The following PAFAH1B1 variants were observed in gnomAD, a reference collection of about 807,000 sequenced individuals.
PAFAH1B1 encodes the protein platelet-activating factor acetylhydrolase IB subunit beta.
In PAFAH1B1, 2 loss-of-function variants were observed where a neutral mutation model predicts 57.5. That is an observed-to-expected ratio of 0.03 (90% CI 0.01 to 0.11). PAFAH1B1 has a LOEUF of 0.11. Among genes scored for constraint, PAFAH1B1 ranks in the 10% least tolerant of loss-of-function variants. PAFAH1B1 has a pLI of 1.00. For synonymous variants in PAFAH1B1, 152 were observed against 169.6 expected (o/e 0.90, Z 0.81); for missense variants, 257 against 512.0 (o/e 0.50, Z 4.81).
chr17:2,667,044 G>GTGGACC lies in PAFAH1B1; in HGVS notation c.247_252dup (p.Gly83_Pro84dup), dbSNP rs999819130. On this transcript the variant is annotated inframe_insertion, in exon 5 of 11. Transcript: ENST00000397195. ...GAAGCAAAAGAAGAATTTACGTCAG[G>GTGGACC]TGGACCTCTTGGTCAGAAACGAGAC... 6.2e-7 allele frequency: 1 copy of GTGGACC among 1,613,856 alleles called. No individual in the cohort carries two copies. The highest frequency in any genetic ancestry group is 1.3e-5 in the African/African-American group (1 of 74,912).
chr17:2,617,008 G>T (rs2068352098), intron 1 of PAFAH1B1, among the ~76,000 whole-genome samples: 2 of 152,138 alleles, frequency 1.3e-5, no homozygotes, highest in African/African-American at 4.8e-5. Context: ...GGGAGGCAGA[G>T]GTTGCAGTGA....
intron 1 of PAFAH1B1, among the ~76,000 whole-genome samples, chr17:2,620,739 G>T (rs2068410644): frequency 6.6e-6 from 1 of 152,056 alleles, no homozygotes; most frequent in Non-Finnish European, 1.5e-5. Context: ...GCGCGTACCT[G>T]TAATCCTAGC....
intron 2 of PAFAH1B1, among the ~76,000 whole-genome samples, chr17:2,654,895 G>GC (rs2068916250): frequency 6.6e-6 from 1 of 151,712 alleles, no homozygotes; most frequent in Non-Finnish European, 1.5e-5. Context: ...GCCTGCCTCA[G>GC]CCTCTCGAAG....
intron 2 of PAFAH1B1, 133 bp downstream of exon 2, chr17:2,638,453 C>T (rs370717123): frequency 2.8e-6 from 2 of 721,860 alleles, no homozygotes; most frequent in Non-Finnish European, 4.9e-6. Flanking sequence ...TTAGTTTAGG[C>T]AGTTTGGTCT....
chr17:2,616,946 G>A (rs957586102), intron 1 of PAFAH1B1, among the ~76,000 whole-genome samples: 6 of 151,914 alleles, frequency 3.9e-5, no homozygotes, highest in Admixed American at 6.6e-5. Flanking sequence ...GGTGGCGAGC[G>A]TCTGTAGTCC....
rs533776467 is a variant in PAFAH1B1 at position 2,616,985 on chromosome 17, A to G, written c.-190-21114A>G. ...CTACTCGGGAGGCTGAGGCAGGAGA[A>G]TGGTGTGAACCCGGGAGGCAGAGGT... On this transcript the variant is annotated intron_variant, in intron 1 of 10. Coordinates refer to ENST00000397195, the MANE Select transcript of PAFAH1B1 (RefSeq NM_000430.4). Among the ~76,000 whole-genome samples, 249 of 152,172 alleles carry G rather than the reference A, an allele frequency of 1.6e-3. 2 individuals are homozygous for G. Among genetic ancestry groups the G allele is most frequent in the African/African-American group, 5.7e-3 (238 of 41,526 alleles).
chr17:2,681,888 T>A lies in PAFAH1B1; in HGVS notation c.*86T>A. On this transcript the variant is annotated 3_prime_UTR_variant, in exon 11 of 11. Coordinates refer to ENST00000397195, the MANE Select transcript of PAFAH1B1 (RefSeq NM_000430.4). ...GTTACCCCATTGAGCTCTGTTTAAA[T>A]AAATATTGTCCTTTCATGTAAATTA... The A allele has an allele frequency of 1.1e-6, 1 of 910,880 alleles. No individual in the cohort carries two copies. Among genetic ancestry groups the A allele is most frequent in the East Asian group, 2.6e-5 (1 of 38,870 alleles). The allele number at this position is 910,880 out of a possible 1,614,324, so 56.4% of individuals were successfully genotyped here.
chr17:2,646,106 C>A (rs1316238740), intron 2 of PAFAH1B1, among the ~76,000 whole-genome samples: 1 of 151,378 alleles, frequency 6.6e-6, no homozygotes, highest in Non-Finnish European at 1.5e-5. Context: ...ATAAGAACGA[C>A]AAAATAAGTC....
chr17:2,678,452 G>C (rs978652681), intron 9 of PAFAH1B1, among the ~76,000 whole-genome samples: 1 of 149,112 alleles, frequency 6.7e-6, no homozygotes, highest in South Asian at 2.1e-4. Context: ...TGTAATCCCA[G>C]CTACTCGGGA....
chr17:2,614,734 A>G (rs1006903154), intron 1 of PAFAH1B1, among the ~76,000 whole-genome samples: 3 of 151,982 alleles, frequency 2.0e-5, no homozygotes, highest in Non-Finnish European at 4.4e-5. Context: ...GCCACCATGC[A>G]TGGCTAGATT....
chr17:2,594,699 G>T (rs969291607), intron 1 of PAFAH1B1, among the ~76,000 whole-genome samples: 1 of 152,198 alleles, frequency 6.6e-6, no homozygotes, highest in Admixed American at 6.5e-5. Flanking sequence ...AATCTGGCAG[G>T]ATTTTCTTTC....
At chr17:2,606,322 A>G (rs2068203793) in intron 1 of PAFAH1B1, among the ~76,000 whole-genome samples, 1 of 152,146 alleles carries the variant, frequency 6.6e-6, no homozygotes, top group Non-Finnish European at 1.5e-5. Flanking sequence ...AAAGCCTATC[A>G]TGAGACCTAT....
intron 2 of PAFAH1B1, among the ~76,000 whole-genome samples, chr17:2,646,510 G>A (rs950191205): frequency 1.3e-5 from 2 of 152,072 alleles, no homozygotes; most frequent in South Asian, 2.1e-4. Context: ...AAAATTAGCC[G>A]GGTGTGGTGG....
Position 2,674,044 on chromosome 17 carries a change from T to C in PAFAH1B1, c.672-16T>C. 6.5e-7 allele frequency: 1 copy of C among 1,547,692 alleles called. No homozygotes were observed. Among genetic ancestry groups the C allele is most frequent in the Non-Finnish European group, 8.9e-7 (1 of 1,120,194 alleles). ...TGATTGTCATTCACAGTGTAAGTTA[T>C]TATTTATATTGACAGCTACTGTGTG... On this transcript the variant is annotated splice_polypyrimidine_tract_variant and intron_variant, in intron 7 of 10. Coordinates refer to ENST00000397195, the MANE Select transcript of PAFAH1B1 (RefSeq NM_000430.4).
chr17:2,657,764 C>T (rs1597560734), intron 2 of PAFAH1B1, among the ~76,000 whole-genome samples: 1 of 152,088 alleles, frequency 6.6e-6, no homozygotes, highest in African/African-American at 2.4e-5. Context: ...TATTTTGCTC[C>T]TCAGATAGGT....
chr17:2,608,257 G>A (rs1206634813), intron 1 of PAFAH1B1, among the ~76,000 whole-genome samples: 1 of 151,938 alleles, frequency 6.6e-6, no homozygotes, highest in Non-Finnish European at 1.5e-5. Flanking sequence ...GCTAATTTTT[G>A]TATTTTTAGT....
chr17:2,618,473 G>A (rs1282552428), intron 1 of PAFAH1B1, among the ~76,000 whole-genome samples: 1 of 152,044 alleles, frequency 6.6e-6, no homozygotes, highest in Non-Finnish European at 1.5e-5. Flanking sequence ...AGGAAATGAA[G>A]TTACTCTTAC....
intron 2 of PAFAH1B1, among the ~76,000 whole-genome samples, chr17:2,650,902 C>T (rs917609922): frequency 8.5e-5 from 13 of 152,132 alleles, no homozygotes; most frequent in Non-Finnish European, 1.5e-4. Context: ...GGTACTGAGT[C>T]ACCCATGGTC....
rs2068988109 is a variant in PAFAH1B1 at position 2,659,541 on chromosome 17, A to AT, written c.33-5831_33-5830insT. ...TCGCCAAAAAAAAAAAAAAAAAAAA[A>AT]GGAAGCCTTGGCTGGGCGTGGTGGC... On this transcript the variant is annotated intron_variant, in intron 2 of 10. Coordinates refer to ENST00000397195, the MANE Select transcript of PAFAH1B1 (RefSeq NM_000430.4). The AT allele has an allele frequency of 1.5e-5, 3 of 197,270 alleles. No homozygotes were observed. In the Admixed American group the frequency reaches 1.9e-4, roughly 12 times the overall value. 12.2% of individuals were successfully genotyped at this position (197,270 alleles called of 1,614,324 possible).
Sources: gnomAD v4.1 joint callset for allele counts (sites outside exome capture counted in the v4.1 genomes callset) on GRCh38, gnomAD v4.1.1 for gene constraint, MANE v1.5 for transcripts, NCBI Gene and HGNC (gene_info 2026-07-23, HGNC 2026-07-21) for gene names.